SPATA6L: variants seen among roughly 807,000 people sequenced by gnomAD.
SPATA6L encodes the protein spermatogenesis associated 6-like protein.
In SPATA6L, 68 loss-of-function variants were observed where a neutral mutation model predicts 49.2. That is an observed-to-expected ratio of 1.38 (90% CI 1.14 to 1.69). The LOEUF (loss-of-function observed/expected upper bound fraction) is 1.69, where lower values mean the gene tolerates loss of function less well. SPATA6L is among the 40% of genes most tolerant of loss of function. The pLI is 0.00. For synonymous variants in SPATA6L, 198 were observed against 165.7 expected (o/e 1.19, Z -1.50); for missense variants, 668 against 464.3 (o/e 1.44, Z -4.03).
chr9:4,655,978 T>C, intron 3 of SPATA6L, 63 bp downstream of exon 3: 1 of 1,288,554 alleles, frequency 7.8e-7, no homozygotes, highest in Non-Finnish European at 1.1e-6. Flanking sequence ...GAGCAGAGTT[T>C]TGAATCTGTG....
rs755398343 is a variant in SPATA6L, at chr9:4,605,323, T to C, written c.1089+24A>G. ...TCACATATTATTTAGTGAGCAAAGA[T>C]CTAGTTTTATAAGAAAGTCTAACCT... On this transcript the variant is annotated intron_variant, in intron 10 of 11. Transcript: ENST00000682582. 24 of 1,572,634 alleles carry C rather than the reference T, an allele frequency of 1.5e-5. 1 individual carries two copies. In the Middle Eastern group the frequency reaches 1.8e-3, roughly 120 times the overall value.
At chr9:4,597,779 G>T (rs910055734), downstream of SPATA6L, among the ~76,000 whole-genome samples, 16 of 152,112 alleles carry the variant, frequency 1.1e-4, no homozygotes, top group African/African-American at 3.9e-4. Context: ...GCTAGGAGGG[G>T]TCCCCTAACC....
chr9:4,649,058 AAT>A lies in SPATA6L; in HGVS notation c.226+6981_226+6982del, dbSNP rs951612004. The stretch of plus-strand genomic sequence containing the variant: ...TCCATCATATATAATGGAATATAGA[AAT>A]ATACACACACACACACACACACACA... On this transcript the variant is annotated intron_variant, in intron 3 of 11. Transcript: ENST00000682582. Among the ~76,000 whole-genome samples, 20 of 79,766 alleles carry A rather than the reference AAT, an allele frequency of 2.5e-4. No individual in the cohort carries two copies. The South Asian group carries it at 3.2e-3, about 13-fold the overall frequency. The allele number at this position is 79,766 out of a possible 152,430, so 52.3% of individuals were successfully genotyped here.
At chr9:4,629,805 T>A (rs1230621374) in intron 4 of SPATA6L, among the ~76,000 whole-genome samples, 3 of 97,558 alleles carry the variant, frequency 3.1e-5, no homozygotes, top group Non-Finnish European at 5.6e-5. Flanking sequence ...ATATGCCCTA[T>A]CCTGTTTAAT....
chr9:4,622,603 T>A, intron 6 of SPATA6L, 93 bp from the exon 7 acceptor site: 1 of 839,918 alleles, frequency 1.2e-6, no homozygotes, highest in Non-Finnish European at 1.9e-6. Context: ...CCTCAATCAC[T>A]GATTACACGG....
intron 9 of SPATA6L, among the ~76,000 whole-genome samples, chr9:4,617,212 T>C (rs770311159): frequency 1.3e-5 from 2 of 152,194 alleles, no homozygotes; most frequent in Non-Finnish European, 1.5e-5. Context: ...TCGTCACTAA[T>C]AATGCAGAGA....
rs1249912849 is a variant in SPATA6L at position 4,625,420 on chromosome 9, G to C, written c.576C>G (p.Thr192=). The C allele has an allele frequency of 6.2e-7, 1 of 1,614,104 alleles. No homozygotes were observed. Among genetic ancestry groups the C allele is most frequent in the Non-Finnish European group, 8.5e-7 (1 of 1,180,016 alleles). The change falls in exon 6 of 12, where the codon ACC becomes ACG. Residue 192 remains threonine (T), a synonymous_variant. Transcript: ENST00000682582. ...CTGGCTGGTCCTGGAAGAAATGCCT[G>C]GTAGAATATTGAGAGGGCGCCCGGG... ...MQARAPSQYS[T]RHFFQDQPAQ... is the part of the protein sequence containing the mutation.
chr9:4,640,037 T>C (rs1833697663), intron 3 of SPATA6L, among the ~76,000 whole-genome samples: 1 of 152,218 alleles, frequency 6.6e-6, no homozygotes. Context: ...GCTATGAAAG[T>C]ATAAAATATT....
rs77482218 is a variant in SPATA6L, at chr9:4,624,756, A to G, written c.669+571T>C. On this transcript the variant is annotated intron_variant, in intron 6 of 11. Coordinates refer to ENST00000682582, the MANE Select transcript of SPATA6L (RefSeq NM_001353486.2). ...AAAAAAAAAAAAAAAAAATGTAAAG[A>G]GACTAAGAGAACTAGTGTGACTAAA... Among the ~76,000 whole-genome samples the G allele has an allele frequency of 7.3e-3, 1,113 of 151,826 alleles. 14 individuals are homozygous for G. Among genetic ancestry groups the G allele is most frequent in the African/African-American group, 0.026 (1,079 of 41,402 alleles).
chr9:4,638,310 C>G (rs1316699098), intron 3 of SPATA6L, among the ~76,000 whole-genome samples: 3 of 152,100 alleles, frequency 2.0e-5, no homozygotes, highest in Admixed American at 2.0e-4. Flanking sequence ...CTCCTGGGTT[C>G]AAGTGATTCT....
At chr9:4,607,079 A>T (rs1269123479) in intron 9 of SPATA6L, among the ~76,000 whole-genome samples, 2 of 151,774 alleles carry the variant, frequency 1.3e-5, no homozygotes, top group Non-Finnish European at 2.9e-5. Flanking sequence ...TGAAGCGAGA[A>T]GGGAAGTTTA....
chr9:4,645,315 G>C lies in SPATA6L; in HGVS notation c.227-9916C>G, dbSNP rs375845930. Among the ~76,000 whole-genome samples, 9 of 152,262 alleles carry C rather than the reference G, an allele frequency of 5.9e-5. No homozygotes were observed. In the East Asian group the frequency reaches 7.7e-4, roughly 13 times the overall value. Reference sequence around the variant, plus strand: ...ACATCCAAAAAGTAGAAATGTCTTAGTCTATTTTCTGTTGCTTATAACAGA... The same window carrying C: ...ACATCCAAAAAGTAGAAATGTCTTACTCTATTTTCTGTTGCTTATAACAGA... On this transcript the variant is annotated intron_variant, in intron 3 of 11. Transcript: ENST00000682582.
intron 9 of SPATA6L, among the ~76,000 whole-genome samples, chr9:4,607,484 A>ACT (rs1825582196): frequency 6.6e-6 from 1 of 152,216 alleles, no homozygotes; most frequent in Non-Finnish European, 1.5e-5. Flanking sequence ...AGTGGGGGCC[A>ACT]ATATTCCACA....
At chr9:4,639,592 C>A (rs574501640) in intron 3 of SPATA6L, among the ~76,000 whole-genome samples, 6 of 152,160 alleles carry the variant, frequency 3.9e-5, no homozygotes, top group Non-Finnish European at 7.3e-5. Flanking sequence ...GATGGTACAG[C>A]AAGAGCCTAG....
At chr9:4,630,784 T>C (rs1465721418) in intron 4 of SPATA6L, among the ~76,000 whole-genome samples, 2 of 152,238 alleles carry the variant, frequency 1.3e-5, no homozygotes, top group Non-Finnish European at 2.9e-5. Context: ...TCTATACATA[T>C]ACCAGGTATT....
At chr9:4,661,483 G>T (rs1178352094) in intron 2 of SPATA6L, among the ~76,000 whole-genome samples, 1 of 151,524 alleles carries the variant, frequency 6.6e-6, no homozygotes, top group Non-Finnish European at 1.5e-5. Flanking sequence ...CAGGATTTTA[G>T]TTACAGGATT....
At position 4,661,838 on chromosome 9, in the gene SPATA6L, C is replaced by A; in HGVS notation, c.177+61G>T. 7.6e-6 allele frequency: 12 copies of A among 1,579,532 alleles called. No individual in the cohort carries two copies. The South Asian group carries it at 1.4e-4, about 18-fold the overall frequency. ...CAAATAATGCTGTAAGAACTCTGTT[C>A]TTTATAAGAACTCTCAGGTTATCTT... On this transcript the variant is annotated intron_variant, in intron 2 of 11. Transcript: ENST00000682582.
intron 13 of SPATA6L, among the ~76,000 whole-genome samples, chr9:4,590,248 T>A (rs1016918700): frequency 6.6e-6 from 1 of 152,106 alleles, no homozygotes; most frequent in African/African-American, 2.4e-5. Context: ...GACCTGTATA[T>A]GGAATTGGGT....
At chr9:4,660,494 A>AC (rs574647432) in intron 2 of SPATA6L, among the ~76,000 whole-genome samples, 2 of 152,204 alleles carry the variant, frequency 1.3e-5, no homozygotes, top group Non-Finnish European at 2.9e-5. Flanking sequence ...ACCATCTCAC[A>AC]CAGTTAGAAT....
Sources: gnomAD v4.1 joint callset for allele counts (sites outside exome capture counted in the v4.1 genomes callset) on GRCh38, gnomAD v4.1.1 for gene constraint, MANE v1.5 for transcripts, NCBI Gene and HGNC (gene_info 2026-07-23, HGNC 2026-07-21) for gene names.